Variants in KLF8 observed in about 807,000 individuals in gnomAD.
KLF8 encodes Krueppel-like factor 8.
KLF8 carries 10 observed loss-of-function variants against 18.2 expected under a neutral mutation model. That is an observed-to-expected ratio of 0.55 (90% CI 0.34 to 0.93). The LOEUF (loss-of-function observed/expected upper bound fraction) is 0.93. Ranked by LOEUF, KLF8 falls within the 40% of genes least tolerant of loss-of-function variation. The probability of loss-of-function intolerance (pLI) is 0.02; values close to 1 mark genes in which losing one functional copy is unlikely to be tolerated. For synonymous variants in KLF8, 109 were observed against 97.3 expected, an observed-to-expected ratio of 1.12 and a Z score of -0.71; for missense variants, 264 against 277.9, an observed-to-expected ratio of 0.95 and a Z score of 0.36.
chrX:56,093,952 T>C, the KLF8 span, among the ~76,000 whole-genome samples: 2 of 88,956 alleles, frequency 2.2e-5, no homozygotes. Context: ...TGTGTGTGTA[T>C]GAGAGAGAAC....
chrX:56,003,601 G>T, the KLF8 span, among the ~76,000 whole-genome samples: 1 of 111,202 alleles, frequency 9.0e-6, no homozygotes, highest in South Asian at 3.8e-4. Context: ...GGACAATTTA[G>T]GACTATATAT....
the KLF8 span, among the ~76,000 whole-genome samples, chrX:56,119,506 C>T: frequency 1.8e-5 from 2 of 110,567 alleles, no homozygotes; most frequent in Admixed American, 9.7e-5. Flanking sequence ...TGGGTTCAAG[C>T]GATTCTCCCG....
At chrX:56,164,991 G>T in the KLF8 span, among the ~76,000 whole-genome samples, 2 of 85,347 alleles carry the variant, frequency 2.3e-5, no homozygotes, top group African/African-American at 8.8e-5. Context: ...CTATGAGTGG[G>T]AATATGCGGT....
the KLF8 span, among the ~76,000 whole-genome samples, chrX:56,198,197 T>G: frequency 8.9e-6 from 1 of 112,103 alleles, no homozygotes; most frequent in Non-Finnish European, 1.9e-5. Flanking sequence ...ATGCCCTCTC[T>G]CAGCAGTCCT....
At chrX:55,941,241 A>G in the KLF8 span, among the ~76,000 whole-genome samples, 1 of 112,217 alleles carries the variant, frequency 8.9e-6, no homozygotes. Flanking sequence ...CTTATCTTTG[A>G]CAAACCTGAC....
chrX:56,220,803 T>G, the KLF8 span, among the ~76,000 whole-genome samples: 1 of 112,863 alleles, frequency 8.9e-6, no homozygotes, highest in Non-Finnish European at 1.9e-5. Flanking sequence ...ACTGAAGTTT[T>G]AAGTGCTGTC....
chrX:56,289,411 A>G lies in KLF8; in HGVS notation c.*4917A>G, dbSNP rs1254164911. Among the ~76,000 whole-genome samples the G allele has an allele frequency of 8.9e-6, 1 of 111,906 alleles. No individual in the cohort carries two copies. Among genetic ancestry groups the G allele is most frequent in the Admixed American group, 9.6e-5 (1 of 10,471 alleles). ...TTGTATTAGAAACCAATATCTGGGC[A>G]TTAGGTATGTTCATTGTTACTGGGC... On this transcript the variant is annotated 3_prime_UTR_variant, in exon 6 of 6. Transcript: ENST00000468660.
At chrX:56,096,458 A>G in the KLF8 span, among the ~76,000 whole-genome samples, 1 of 111,679 alleles carries the variant, frequency 9.0e-6, no homozygotes, top group Admixed American at 9.6e-5. Context: ...TAAAAATGGT[A>G]TCTCAAGAGA....
At chrX:56,145,876 A>G in the KLF8 span, among the ~76,000 whole-genome samples, 1 of 112,030 alleles carries the variant, frequency 8.9e-6, no homozygotes, top group Non-Finnish European at 1.9e-5. Context: ...TTACAAGAAA[A>G]AAAAAACATC....
chrX:56,256,082 G>T (rs1220915945), intron 2 of KLF8, among the ~76,000 whole-genome samples: 1 of 111,297 alleles, frequency 9.0e-6, no homozygotes, highest in Non-Finnish European at 1.9e-5. Flanking sequence ...GTCTGTTCAT[G>T]TTTTGGATTT....
At chrX:56,012,860 AT>A in the KLF8 span, among the ~76,000 whole-genome samples, 1 of 112,035 alleles carries the variant, frequency 8.9e-6, no homozygotes, top group Non-Finnish European at 1.9e-5. Context: ...AAAAAAAACT[AT>A]TCTAAAATTT....
At chrX:56,018,688 A>G in the KLF8 span, among the ~76,000 whole-genome samples, 1 of 111,032 alleles carries the variant, frequency 9.0e-6, no homozygotes, top group African/African-American at 3.3e-5. Context: ...TACTATATGT[A>G]TATATATATT....
At chrX:56,250,051 G>A (rs1172205161) in intron 1 of KLF8, among the ~76,000 whole-genome samples, 180 bp from the exon 2 acceptor site, 1 of 111,936 alleles carries the variant, frequency 8.9e-6, no homozygotes, top group Non-Finnish European at 1.9e-5. Flanking sequence ...AATATTATTG[G>A]GGAAAAGTTA....
chrX:56,265,889 C>A (rs60490676), intron 3 of KLF8, 145 bp downstream of exon 3: 5 of 1,058,280 alleles, frequency 4.7e-6, no homozygotes, highest in Non-Finnish European at 6.1e-6. Flanking sequence ...TTTTTTATGT[C>A]TTTTTAATGC....
chrX:56,236,848 TTGTGTG>T (rs3052510), intron 1 of KLF8, among the ~76,000 whole-genome samples: 3 of 95,072 alleles, frequency 3.2e-5, no homozygotes, highest in African/African-American at 7.9e-5. Flanking sequence ...ATGAGTATGT[TTGTGTG>T]TGTGTGTGTG....
At chrX:55,935,409 T>C in the KLF8 span, among the ~76,000 whole-genome samples, 1 of 111,984 alleles carries the variant, frequency 8.9e-6, no homozygotes, top group Admixed American at 9.5e-5. Flanking sequence ...AATCAGAATC[T>C]GAATTTTAAC....
the KLF8 span, among the ~76,000 whole-genome samples, chrX:55,982,963 A>G: frequency 8.9e-6 from 1 of 111,848 alleles, no homozygotes; most frequent in Non-Finnish European, 1.9e-5. Context: ...TACTTATCAC[A>G]CAAAGTTGAG....
chrX:56,175,312 G>T, the KLF8 span, among the ~76,000 whole-genome samples: 2 of 111,817 alleles, frequency 1.8e-5, no homozygotes, highest in Non-Finnish European at 3.8e-5. Flanking sequence ...GTTCTTGTTG[G>T]TTTCAAAGAA....
At chrX:56,149,008 C>A in the KLF8 span, among the ~76,000 whole-genome samples, 1 of 112,065 alleles carries the variant, frequency 8.9e-6, no homozygotes, top group South Asian at 3.7e-4. Flanking sequence ...AAAGGGTTTT[C>A]ATTTTATTCA....
Sources: gnomAD v4.1 joint callset for allele counts (sites outside exome capture counted in the v4.1 genomes callset) on GRCh38, gnomAD v4.1.1 for gene constraint, MANE v1.5 for transcripts, NCBI Gene and HGNC (gene_info 2026-07-23, HGNC 2026-07-21) for gene names.